Variants in CPZ observed in about 807,000 individuals in gnomAD.
CPZ encodes the protein carboxypeptidase Z.
A neutral mutation model predicts 61.8 loss-of-function variants in CPZ; 103 were observed. The observed-to-expected ratio is 1.67, with a 90% CI of 1.42 to 1.96. CPZ has a LOEUF of 1.96. CPZ is among the 30% of genes most tolerant of loss of function. CPZ has a pLI of 0.00. For synonymous variants in CPZ, 551 were observed against 373.7 expected (o/e 1.47, Z -5.47); for missense variants, 1,461 against 914.9 (o/e 1.60, Z -7.70).
chr4:8,597,520 A>T (rs1714264584), intron 1 of CPZ: 1 of 152,230 alleles, frequency 6.6e-6, no homozygotes, highest in African/African-American at 2.4e-5. Context: ...GGCCCGTGAC[A>T]GTCATCCAGG....
chr4:8,618,343 A>G, intron 9 of CPZ, 86 bp from the exon 10 acceptor site: 1 of 1,300,234 alleles, frequency 7.7e-7, no homozygotes, highest in Non-Finnish European at 1.1e-6. Context: ...CCAAGCTCTG[A>G]GGAGCATGTG....
chr4:8,598,668 G>C (rs1317925268), intron 1 of CPZ, among the ~76,000 whole-genome samples: 2 of 152,260 alleles, frequency 1.3e-5, no homozygotes, highest in Admixed American at 6.5e-5. Context: ...CTGATGCCGG[G>C]TTCCCCGCCT....
At chr4:8,594,024 G>C (rs547244977) in intron 1 of CPZ, among the ~76,000 whole-genome samples, 1 of 152,246 alleles carries the variant, frequency 6.6e-6, no homozygotes, top group South Asian at 2.1e-4. Flanking sequence ...CCTCCTCCAG[G>C]AAGCTCTCCT....
intron 4 of CPZ, among the ~76,000 whole-genome samples, chr4:8,604,758 G>T (rs6834153): frequency 1.1e-3 from 161 of 152,240 alleles, no homozygotes; most frequent in Middle Eastern, 0.01. Context: ...AAACAGAATC[G>T]GTTATTTTAG....
At chr4:8,617,695 G>T (rs770510205) in intron 9 of CPZ, among the ~76,000 whole-genome samples, 5 of 152,132 alleles carry the variant, frequency 3.3e-5, no homozygotes, top group African/African-American at 2.4e-5. Context: ...CTCGCTGGAC[G>T]GACTCCTCTC....
Position 8,606,077 on chromosome 4 carries a change from CTCTGAGTACCTGCTT to C in CPZ, c.799_813del (p.Ser267_Leu271del), listed in dbSNP as rs1314771357. The C allele has an allele frequency of 6.2e-7, 1 of 1,614,114 alleles. No homozygotes were observed. The highest frequency in any genetic ancestry group is 2.2e-5 in the East Asian group (1 of 44,890). ...TCATCTACCTAGCCCAGTACCTGTG[CTCTGAGTACCTGCTT>C]GGTAACCCCCGCATCCAGCGCCTGC... is the stretch of plus-strand genomic sequence containing the variant. On this transcript the variant is annotated inframe_deletion, in exon 5 of 11. Transcript: ENST00000360986.
chr4:8,608,140 C>CTT (rs1424602268), intron 7 of CPZ, among the ~76,000 whole-genome samples: 53 of 146,400 alleles, frequency 3.6e-4, no homozygotes, highest in African/African-American at 1.3e-3. Context: ...CAGCCTCCAG[C>CTT]CCCCAGCCCC....
At chr4:8,606,235 C>G (rs568863187) in intron 5 of CPZ, 50 bp downstream of exon 5, 5 of 1,530,396 alleles carry the variant, frequency 3.3e-6, no homozygotes, top group Admixed American at 1.8e-5. Flanking sequence ...GAACCACCCC[C>G]TCATTCATCC....
rs1716466297 is a variant in CPZ, at chr4:8,619,178, C to CT, written c.1604-83dup. ...TGGCGCCTGCCTCCCATGCTAACCT[C>CT]TCCCCACTCATATCCATCACCCATC... On this transcript the variant is annotated intron_variant, in intron 10 of 10. Coordinates refer to ENST00000360986, the MANE Select transcript of CPZ (RefSeq NM_001014447.3). 4 of 1,241,174 alleles carry CT rather than the reference C, an allele frequency of 3.2e-6. No homozygotes were observed. The Admixed American group carries it at 7.1e-5, about 22-fold the overall frequency. 76.9% of individuals were successfully genotyped at this position (1,241,174 alleles called of 1,614,324 possible). A position where few individuals can be genotyped will look rare whatever the true frequency, so the allele number is the denominator to read the frequency against.
At chr4:8,600,422 C>G (rs1577109721) in intron 2 of CPZ, among the ~76,000 whole-genome samples, 1 of 152,198 alleles carries the variant, frequency 6.6e-6, no homozygotes, top group African/African-American at 2.4e-5. Context: ...AGAAGGCCAT[C>G]TGGGGGTGCG....
chr4:8,603,970 C>G lies in CPZ; in HGVS notation c.497-6C>G. 6.2e-7 allele frequency: 1 copy of G among 1,611,870 alleles called. No homozygotes were observed. Among genetic ancestry groups the G allele is most frequent in the Non-Finnish European group, 8.5e-7 (1 of 1,179,698 alleles). On this transcript the variant is annotated splice_region_variant and splice_polypyrimidine_tract_variant and intron_variant, in intron 3 of 10. Coordinates refer to ENST00000360986, the MANE Select transcript of CPZ (RefSeq NM_001014447.3). ...CACTGACTGAGCCCCCCCACTGCTC[C>G]CCCAGGAGGCCTGGAGGCTGACGAG...
At position 8,606,135 on chromosome 4, in the gene CPZ, C is replaced by T; in HGVS notation, c.856C>T (p.His286Tyr). ...IQRLLNTTRI[H>Y]LLPSMNPDGY... is the part of the protein sequence containing the mutation. ...GCGCCTGCTCAACACCACCCGCATC[C>T]ACCTGCTGCCCTCCATGAACCCTGA... The change falls in exon 5 of 11, where the codon CAC becomes TAC. Residue 286 changes from histidine (H) to tyrosine (Y), a missense_variant. Physicochemically the swap from His to Tyr is moderately conservative, Grantham distance 83. Coordinates refer to ENST00000360986, the MANE Select transcript of CPZ (RefSeq NM_001014447.3). 1 of 1,614,204 alleles carries T rather than the reference C, an allele frequency of 6.2e-7. No homozygotes were observed. Among genetic ancestry groups the T allele is most frequent in the South Asian group, 1.1e-5 (1 of 91,076 alleles).
chr4:8,597,803 C>G (rs577609273), intron 1 of CPZ, among the ~76,000 whole-genome samples: 1 of 152,330 alleles, frequency 6.6e-6, no homozygotes, highest in Admixed American at 6.5e-5. Context: ...GTGCTGGGCT[C>G]GGACCATAGG....
At chr4:8,610,780 C>T (rs563459216) in intron 7 of CPZ, among the ~76,000 whole-genome samples, 19 of 152,308 alleles carry the variant, frequency 1.2e-4, no homozygotes, top group Middle Eastern at 3.4e-3. Context: ...GTCTGCCACC[C>T]TGGAACCACA....
At chr4:8,609,531 G>A (rs556955283) in intron 7 of CPZ, among the ~76,000 whole-genome samples, 3 of 136,780 alleles carry the variant, frequency 2.2e-5, no homozygotes, top group African/African-American at 3.7e-5. Flanking sequence ...AGGTGACTGG[G>A]CGGCCTCCAC....
At chr4:8,596,535 T>C (rs1280559110) in intron 1 of CPZ, among the ~76,000 whole-genome samples, 2 of 152,234 alleles carry the variant, frequency 1.3e-5, no homozygotes, top group Non-Finnish European at 2.9e-5. Flanking sequence ...TCACAGGGGA[T>C]AGTCCTGCTC....
chr4:8,615,618 T>C (rs1577128820), intron 9 of CPZ, among the ~76,000 whole-genome samples: 1 of 152,052 alleles, frequency 6.6e-6, no homozygotes, highest in East Asian at 1.9e-4. Context: ...ATTTTATAGA[T>C]GGAGTTGAGG....
intron 7 of CPZ, among the ~76,000 whole-genome samples, chr4:8,611,792 T>C (rs2109338296): frequency 6.6e-6 from 1 of 151,642 alleles, no homozygotes; most frequent in East Asian, 2.0e-4. Flanking sequence ...CAGTTACCCA[T>C]GGGACCTGGC....
Position 8,606,021 on chromosome 4 carries a change from C to T in CPZ, c.742C>T (p.His248Tyr). 1 of 1,614,098 alleles carries T rather than the reference C, an allele frequency of 6.2e-7. No individual in the cohort carries two copies. ...CGAGGTGAAGCTCATCGGCAACATTCATGGCAACGAGGTGGCGGGCCGGGA... is the reference window on the plus strand; with the variant it reads ...CGAGGTGAAGCTCATCGGCAACATTTATGGCAACGAGGTGGCGGGCCGGGA... Reference protein sequence around the residue: ...EPEVKLIGNIHGNEVAGREML... With the variant: ...EPEVKLIGNIYGNEVAGREML... Residue 248 changes from histidine (H) to tyrosine (Y), a missense_variant, in exon 5 of 11, where the codon CAT becomes TAT. Physicochemically the swap from His to Tyr is moderately conservative, Grantham distance 83 (BLOSUM62 2). Coordinates refer to ENST00000360986, the MANE Select transcript of CPZ (RefSeq NM_001014447.3).
Sources: gnomAD v4.1 joint callset for allele counts (sites outside exome capture counted in the v4.1 genomes callset) on GRCh38, gnomAD v4.1.1 for gene constraint, MANE v1.5 for transcripts, NCBI Gene and HGNC (gene_info 2026-07-23, HGNC 2026-07-21) for gene names.